Variants in AGAP1 observed in about 807,000 individuals in gnomAD.
The protein encoded by AGAP1 is ArfGAP with GTPase domain, ankyrin repeat and PH domain 1, also known as arf-GAP with GTPase, ANK repeat and PH domain-containing protein 1.
A neutral mutation model predicts 105.3 loss-of-function variants in AGAP1; 29 were observed. The ratio of observed to expected loss-of-function variants is 0.28; its 90% CI spans 0.21 to 0.38. The LOEUF (loss-of-function observed/expected upper bound fraction) is 0.38. AGAP1 is among the 10% of genes least tolerant of loss of function. AGAP1 has a pLI of 1.00. For synonymous variants in AGAP1, 509 were observed against 485.9 expected, an observed-to-expected ratio of 1.05 and a Z score of -0.63; for missense variants, 998 against 1,165.1, an observed-to-expected ratio of 0.86 and a Z score of 2.09.
In AGAP1 at chr2:235,557,334, G is replaced by A. The variant is rs1326821726; in HGVS notation, c.163+62485G>A. Among the ~76,000 whole-genome samples the A allele has an allele frequency of 6.6e-6, 1 of 152,052 alleles. No homozygotes were observed. Among genetic ancestry groups the A allele is most frequent in the South Asian group, 2.1e-4 (1 of 4,808 alleles). Reference sequence around the variant, plus strand: ...CACCTTGGAAGCTGTTGCTCACCGCGTGTTGATTTTATTTAAGACTGGAAA... The same window carrying A: ...CACCTTGGAAGCTGTTGCTCACCGCATGTTGATTTTATTTAAGACTGGAAA... On this transcript the variant is annotated intron_variant, in intron 1 of 17. Transcript: ENST00000304032. This position sits in a 1 kb window ranked among gnomAD's most constrained non-coding sequence, Gnocchi z 4.7.
chr2:235,897,212 A>G (rs985306669), intron 10 of AGAP1, among the ~76,000 whole-genome samples: 1 of 151,968 alleles, frequency 6.6e-6, no homozygotes, highest in Non-Finnish European at 1.5e-5. Flanking sequence ...GCTAATTTTT[A>G]TATTGTTGGT....
In AGAP1 at chr2:235,963,192, A is replaced by G. The variant is rs1285284181; in HGVS notation, c.1484-5270A>G. Among the ~76,000 whole-genome samples the G allele has an allele frequency of 1.3e-5, 2 of 152,194 alleles. No individual in the cohort carries two copies. Among genetic ancestry groups the G allele is most frequent in the African/African-American group, 4.8e-5 (2 of 41,444 alleles). Reference sequence around the variant, plus strand: ...CTCGGACTCACCAAGAGAATTATAAATATTGCAAGATATGGAGAAAGCTTA... The same window carrying G: ...CTCGGACTCACCAAGAGAATTATAAGTATTGCAAGATATGGAGAAAGCTTA... On this transcript the variant is annotated intron_variant, in intron 12 of 17. Transcript: ENST00000304032. The surrounding 1 kb of genome is among the most constrained non-coding windows in gnomAD (Gnocchi z 5.1).
At chr2:235,652,333 C>A (rs1475521160) in intron 1 of AGAP1, among the ~76,000 whole-genome samples, 3 of 151,774 alleles carry the variant, frequency 2.0e-5, no homozygotes, top group African/African-American at 4.8e-5. Flanking sequence ...AGCCCTCAGA[C>A]CCCCCCTACC....
In AGAP1 at chr2:235,591,838, G is replaced by C. The variant is rs556463395; in HGVS notation, c.163+96989G>C. On this transcript the variant is annotated intron_variant, in intron 1 of 17. Coordinates refer to ENST00000304032, the MANE Select transcript of AGAP1 (RefSeq NM_001037131.3). ...TGCCAAGAGACCTGGTTGTTTAAAA[G>C]AGCCTGCCCCCACCCCCACCCCCCA... is the stretch of plus-strand genomic sequence containing the variant. Among the ~76,000 whole-genome samples the C allele has an allele frequency of 2.5e-4, 38 of 152,074 alleles. No individual in the cohort carries two copies. The East Asian group carries it at 6.8e-3, about 27-fold the overall frequency.
chr2:235,821,985 AC>A (rs1958813823), intron 9 of AGAP1, among the ~76,000 whole-genome samples: 1 of 152,192 alleles, frequency 6.6e-6, no homozygotes, highest in Non-Finnish European at 1.5e-5. Context: ...GAAGCCTTGC[AC>A]CCTTCCTGGT....
intron 6 of AGAP1, among the ~76,000 whole-genome samples, chr2:235,791,214 A>G (rs1347103089): frequency 6.6e-6 from 1 of 151,680 alleles, no homozygotes; most frequent in Non-Finnish European, 1.5e-5. Context: ...CACATTCTGA[A>G]CTATATAGAT....
intron 3 of AGAP1, among the ~76,000 whole-genome samples, chr2:235,738,896 A>T (rs1575280565): frequency 6.6e-6 from 1 of 152,148 alleles, no homozygotes; most frequent in East Asian, 1.9e-4. Context: ...AATTCAATTC[A>T]CATCACCAAG....
Position 235,566,653 on chromosome 2 carries a change from G to T in AGAP1, c.163+71804G>T. On this transcript the variant is annotated intron_variant, in intron 1 of 17. Coordinates refer to ENST00000304032, the MANE Select transcript of AGAP1 (RefSeq NM_001037131.3). This position sits in a 1 kb window ranked among gnomAD's most constrained non-coding sequence, Gnocchi z 5.2. ...GTATGCCTGACACCTTCCTCATGCC[G>T]CAGGACCAGCCGGGACCGGGGAGAG... 2.1e-6 allele frequency: 2 copies of T among 957,858 alleles called. No individual in the cohort carries two copies. Among genetic ancestry groups the T allele is most frequent in the Non-Finnish European group, 2.5e-6 (2 of 804,906 alleles). The allele number at this position is 957,858 out of a possible 1,614,324, so 59.3% of individuals were successfully genotyped here.
In AGAP1 at chr2:235,541,780, C is replaced by T. The variant is rs183576356; in HGVS notation, c.163+46931C>T. ...TAATGTCCCTAAAGTATATATTGCT[C>T]AATTTTACCTGTTTCTATAAACTTT... is the stretch of plus-strand genomic sequence containing the variant. On this transcript the variant is annotated intron_variant, in intron 1 of 17. Transcript: ENST00000304032. 1.1e-3 allele frequency among the ~76,000 whole-genome samples: 164 copies of T among 152,242 alleles called. 4 individuals carry two copies. The East Asian group carries it at 0.022, about 21-fold the overall frequency.
intron 10 of AGAP1, among the ~76,000 whole-genome samples, chr2:235,902,987 GCTACTA>G (rs1247853619): frequency 6.6e-6 from 1 of 152,102 alleles, no homozygotes. Context: ...ACAGTTTGGG[GCTACTA>G]CTTTGATTCA....
chr2:235,798,578 G>A (rs1481340077), intron 7 of AGAP1, among the ~76,000 whole-genome samples: 1 of 152,112 alleles, frequency 6.6e-6, no homozygotes, highest in Non-Finnish European at 1.5e-5. Flanking sequence ...TCAAGGTACA[G>A]TCATGAATGT....
At chr2:235,570,567 G>A (rs1449239606) in intron 1 of AGAP1, among the ~76,000 whole-genome samples, 2 of 152,188 alleles carry the variant, frequency 1.3e-5, no homozygotes, top group Admixed American at 1.3e-4. Context: ...GAAGAAGCAG[G>A]TGCCCTCATC....
At chr2:236,059,916 C>G (rs1005575061) in intron 16 of AGAP1, among the ~76,000 whole-genome samples, 6 of 152,102 alleles carry the variant, frequency 3.9e-5, no homozygotes, top group African/African-American at 1.2e-4. Context: ...CATGGTGAAA[C>G]CCCGTCTCTC....
chr2:235,910,928 T>A (rs938633632), intron 11 of AGAP1, among the ~76,000 whole-genome samples: 27 of 151,126 alleles, frequency 1.8e-4, no homozygotes, highest in Non-Finnish European at 1.0e-4. Flanking sequence ...AAAAAAAAAA[T>A]CTATCAAGCA....
chr2:235,959,585 C>T lies in AGAP1; in HGVS notation c.1484-8877C>T, dbSNP rs1017139021. 3.3e-5 allele frequency among the ~76,000 whole-genome samples: 5 copies of T among 151,960 alleles called. No individual in the cohort carries two copies. The highest frequency in any genetic ancestry group is 1.2e-4 in the African/African-American group (5 of 41,356). ...TCCAGGTGGGTCCTCTCTGGTCGCT[C>T]CTCACTGGTCTTGAGTCCCAGGTGA... On this transcript the variant is annotated intron_variant, in intron 12 of 17. Transcript: ENST00000304032. This position sits in a 1 kb window ranked among gnomAD's most constrained non-coding sequence, Gnocchi z 7.3.
intron 12 of AGAP1, among the ~76,000 whole-genome samples, chr2:235,940,083 A>AT (rs1210291330): frequency 6.6e-6 from 1 of 151,872 alleles, no homozygotes; most frequent in Non-Finnish European, 1.5e-5. Context: ...CCTTTTCACC[A>AT]TCTATCCTCC....
chr2:236,081,387 G>A (rs1252245199), intron 16 of AGAP1, among the ~76,000 whole-genome samples: 2 of 152,190 alleles, frequency 1.3e-5, no homozygotes, highest in African/African-American at 2.4e-5. Flanking sequence ...GCCGGGGTGC[G>A]TGTCTGAACC....
intron 2 of AGAP1, among the ~76,000 whole-genome samples, chr2:235,710,658 A>G (rs1004099703): frequency 1.3e-5 from 2 of 152,144 alleles, no homozygotes; most frequent in Non-Finnish European, 2.9e-5. Flanking sequence ...GTGCTTTGTC[A>G]CCGCGGCACT....
chr2:236,025,908 G>GTGGATGGATGGA lies in AGAP1; in HGVS notation c.1646-10626_1646-10615dup, dbSNP rs1553548831. ...CAGAGGGAGACTCCTTCTCGGGTGG[G>GTGGATGGATGGA]TGGATGGATGGATGGATGGATGGAT... On this transcript the variant is annotated intron_variant, in intron 13 of 17. Coordinates refer to ENST00000304032, the MANE Select transcript of AGAP1 (RefSeq NM_001037131.3). 2.1e-3 allele frequency among the ~76,000 whole-genome samples: 205 copies of GTGGATGGATGGA among 99,608 alleles called. 4 individuals are homozygous for GTGGATGGATGGA. Among genetic ancestry groups the GTGGATGGATGGA allele is most frequent in the Middle Eastern group, 5.6e-3 (1 of 180 alleles). 65.3% of individuals were successfully genotyped at this position (99,608 alleles called of 152,430 possible). A position where few individuals can be genotyped will look rare whatever the true frequency, so the allele number is the denominator to read the frequency against.
Sources: allele counts gnomAD v4.1 joint callset (sites outside exome capture counted in the v4.1 genomes callset), GRCh38; gene constraint gnomAD v4.1.1; non-coding constraint Gnocchi (gnomAD v3.1); transcripts MANE v1.5; gene names NCBI Gene and HGNC (gene_info 2026-07-23, HGNC 2026-07-21).